Variants in NEGR1 observed in about 807,000 individuals in gnomAD.
The protein encoded by NEGR1 is IgLON family member 4.
In NEGR1, 10 loss-of-function variants were observed where a neutral mutation model predicts 40.9. The ratio of observed to expected loss-of-function variants is 0.24; its 90% confidence interval spans 0.15 to 0.42. The LOEUF is 0.42. NEGR1 is among the 10% of genes least tolerant of loss of function. The pLI is 1.00. For missense variants in NEGR1, 352 were observed against 438.9 expected (o/e 0.80, Z 1.77); for synonymous variants, 185 against 166.8 (o/e 1.11, Z -0.84).
At chr1:72,251,493 G>T (rs999998024) in intron 1 of NEGR1, among the ~76,000 whole-genome samples, 8 of 152,224 alleles carry the variant, frequency 5.3e-5, no homozygotes, top group African/African-American at 1.9e-4. Flanking sequence ...GAAACTCCTG[G>T]AGATAGCAAA....
intron 1 of NEGR1, among the ~76,000 whole-genome samples, chr1:72,044,558 T>C (rs557564697): frequency 1.9e-3 from 285 of 151,866 alleles, no homozygotes; most frequent in Middle Eastern, 0.014. Context: ...CAGCTTATAA[T>C]GCTAAGCACA....
In NEGR1 at chr1:71,804,712, G is replaced by T. The variant is rs550952016; in HGVS notation, c.410-28415C>A. The stretch of plus-strand genomic sequence containing the variant: ...CTTAATCCCATCATCTTTGTAAACT[G>T]AGGAGGATGTATGTTGCCTCAGGAC... On this transcript the variant is annotated intron_variant, in intron 2 of 6. Coordinates refer to ENST00000357731, the MANE Select transcript of NEGR1 (RefSeq NM_173808.3). Among the ~76,000 whole-genome samples, 4 of 152,268 alleles carry T rather than the reference G, an allele frequency of 2.6e-5. No individual in the cohort carries two copies. The South Asian group carries it at 8.3e-4, about 32-fold the overall frequency.
chr1:72,077,999 C>A (rs1455588842), intron 1 of NEGR1, among the ~76,000 whole-genome samples: 1 of 152,082 alleles, frequency 6.6e-6, no homozygotes, highest in Admixed American at 6.6e-5. Context: ...AAATATGGAA[C>A]GATGAATGAC....
intron 2 of NEGR1, among the ~76,000 whole-genome samples, 168 bp downstream of exon 2, chr1:71,934,911 T>C (rs536588345): frequency 3.0e-4 from 46 of 152,316 alleles, no homozygotes; most frequent in Non-Finnish European, 5.1e-4. Flanking sequence ...GACTTTCTGA[T>C]GTCTAGGAAT....
At chr1:71,680,600 A>C (rs1214862969) in intron 4 of NEGR1, among the ~76,000 whole-genome samples, 1 of 151,788 alleles carries the variant, frequency 6.6e-6, no homozygotes, top group Non-Finnish European at 1.5e-5. Flanking sequence ...CTGTATGTTC[A>C]TTTCTGTTTT....
At chr1:71,725,281 C>T (rs370995952) in intron 3 of NEGR1, among the ~76,000 whole-genome samples, 11 of 152,188 alleles carry the variant, frequency 7.2e-5, no homozygotes, top group African/African-American at 1.7e-4. Context: ...AGGTCTTTTA[C>T]GTACATTGTG....
intron 1 of NEGR1, among the ~76,000 whole-genome samples, chr1:71,987,638 G>A (rs1427078004): frequency 6.6e-6 from 1 of 152,120 alleles, no homozygotes; most frequent in African/African-American, 2.4e-5. Context: ...AGATATCACA[G>A]AAGCGCATTC....
rs536859688 is a variant in NEGR1, at chr1:71,824,270, C to T, written c.410-47973G>A. On this transcript the variant is annotated intron_variant, in intron 2 of 6. Coordinates refer to ENST00000357731, the MANE Select transcript of NEGR1 (RefSeq NM_173808.3). ...GATGCATTAGCCACTGCAATTTTCT[C>T]AAACACTTTTTTTATTGAAAATATG... Among the ~76,000 whole-genome samples, 218 of 151,798 alleles carry T rather than the reference C, an allele frequency of 1.4e-3. 1 individual carries two copies. The highest frequency in any genetic ancestry group is 2.3e-3 in the Admixed American group (35 of 15,226).
chr1:71,507,718 A>G (rs1647044831), intron 6 of NEGR1, among the ~76,000 whole-genome samples: 1 of 152,212 alleles, frequency 6.6e-6, no homozygotes, highest in South Asian at 2.1e-4. Context: ...TGGCCTGGTG[A>G]AAAATATTAA....
intron 1 of NEGR1, among the ~76,000 whole-genome samples, chr1:72,044,306 C>A (rs1569869990): frequency 3.6e-5 from 4 of 109,684 alleles, no homozygotes; most frequent in African/African-American, 1.0e-4. Flanking sequence ...TGCAATAAAA[C>A]AAAGTTAGCA....
intron 4 of NEGR1, among the ~76,000 whole-genome samples, chr1:71,612,201 G>A (rs889616478): frequency 5.3e-5 from 8 of 152,174 alleles, no homozygotes; most frequent in Non-Finnish European, 7.3e-5. Context: ...CAGCCTGGGC[G>A]ACACAGCAAG....
At chr1:71,643,761 T>G (rs906783963) in intron 4 of NEGR1, among the ~76,000 whole-genome samples, 1 of 151,950 alleles carries the variant, frequency 6.6e-6, no homozygotes, top group Non-Finnish European at 1.5e-5. Flanking sequence ...TCAGAAATAA[T>G]CCAGACTCAT....
At chr1:71,677,535 C>T in intron 4 of NEGR1, among the ~76,000 whole-genome samples, 1 of 152,126 alleles carries the variant, frequency 6.6e-6, no homozygotes, top group African/African-American at 2.4e-5. Context: ...CACAAAAGAG[C>T]AAACCCTTAA....
chr1:71,708,837 C>T (rs1653988861), intron 3 of NEGR1, among the ~76,000 whole-genome samples: 1 of 152,156 alleles, frequency 6.6e-6, no homozygotes, highest in Non-Finnish European at 1.5e-5. Context: ...TGAGAACATG[C>T]AGTGTTTGGT....
intron 2 of NEGR1, among the ~76,000 whole-genome samples, chr1:71,845,764 T>C: frequency 6.6e-6 from 1 of 151,980 alleles, no homozygotes; most frequent in Non-Finnish European, 1.5e-5. Context: ...CCTACATATC[T>C]ATCTATTTAT....
intron 2 of NEGR1, among the ~76,000 whole-genome samples, chr1:71,865,403 T>A (rs1320530423): frequency 6.6e-6 from 1 of 151,862 alleles, no homozygotes; most frequent in East Asian, 1.9e-4. Context: ...TACTACGCAG[T>A]CATAAAAAAG....
intron 2 of NEGR1, among the ~76,000 whole-genome samples, chr1:71,783,837 C>CCAGTCCATCCATCCATCCAT (rs1553165040): frequency 7.3e-6 from 1 of 136,826 alleles, no homozygotes; most frequent in African/African-American, 2.5e-5. Context: ...CATCCATCCA[C>CCAGTCCATCCATCCATCCAT]CCGTCCATCC....
chr1:71,463,475 A>C (rs920554123), intron 6 of NEGR1: 7 of 152,120 alleles, frequency 4.6e-5, no homozygotes, highest in Admixed American at 6.6e-5. Context: ...TCTTTCTCCT[A>C]CTGTGGCACC....
intron 1 of NEGR1, among the ~76,000 whole-genome samples, chr1:72,227,967 C>T (rs1290488899): frequency 6.6e-6 from 1 of 152,068 alleles, no homozygotes; most frequent in South Asian, 2.1e-4. Context: ...GTTTCCTCAT[C>T]ATAATAAAGC....
Sources: gnomAD v4.1 joint callset for allele counts (sites outside exome capture counted in the v4.1 genomes callset) on GRCh38, gnomAD v4.1.1 for gene constraint, MANE v1.5 for transcripts, NCBI Gene and HGNC (gene_info 2026-07-23, HGNC 2026-07-21) for gene names.